Variants in ZBTB2 observed in about 807,000 individuals in gnomAD.
The protein encoded by ZBTB2 is zinc finger and BTB domain containing 2.
ZBTB2 carries 2 observed loss-of-function variants against 39.5 expected under a neutral mutation model. The ratio of observed to expected loss-of-function variants is 0.05; its 90% CI spans 0.02 to 0.16. ZBTB2 has a LOEUF of 0.16. Ranked by LOEUF, ZBTB2 falls within the 10% of genes least tolerant of loss-of-function variation. The pLI is 1.00. For synonymous variants in ZBTB2, 251 were observed against 256.6 expected, an observed-to-expected ratio of 0.98 and a Z score of 0.21; for missense variants, 391 against 653.0, an observed-to-expected ratio of 0.60 and a Z score of 4.37.
intron 2 of ZBTB2, among the ~76,000 whole-genome samples, chr6:151,367,389 G>A (rs1778674721): frequency 6.6e-6 from 1 of 152,140 alleles, no homozygotes; most frequent in Non-Finnish European, 1.5e-5. Flanking sequence ...CCAAAGTGCT[G>A]GGATTATAGG....
At chr6:151,376,378 C>A (rs1319400358) in intron 1 of ZBTB2, among the ~76,000 whole-genome samples, 2 of 152,244 alleles carry the variant, frequency 1.3e-5, no homozygotes, top group East Asian at 1.9e-4. Flanking sequence ...CTCCGAAAGA[C>A]CTCATTGAGA....
intron 2 of ZBTB2, among the ~76,000 whole-genome samples, chr6:151,370,779 G>A (rs957352946): frequency 3.9e-5 from 6 of 152,156 alleles, no homozygotes; most frequent in Admixed American, 1.3e-4. Context: ...TGAAAAGTAC[G>A]CCCCTGGCCT....
intron 1 of ZBTB2, among the ~76,000 whole-genome samples, chr6:151,383,641 G>A (rs888460535): frequency 5.3e-5 from 8 of 152,128 alleles, no homozygotes; most frequent in Admixed American, 1.3e-4. Context: ...CAGCTTGGCA[G>A]CCTGAACTCT....
chr6:151,386,706 CA>C (rs1779160999), intron 1 of ZBTB2, among the ~76,000 whole-genome samples: 1 of 152,164 alleles, frequency 6.6e-6, no homozygotes, highest in South Asian at 2.1e-4. Flanking sequence ...GTGTTTAACT[CA>C]AAGTCTTAAT....
chr6:151,367,420 C>T (rs534492630), intron 2 of ZBTB2, among the ~76,000 whole-genome samples: 10 of 152,246 alleles, frequency 6.6e-5, no homozygotes, highest in African/African-American at 2.4e-4. Context: ...CACGCCTGGC[C>T]AAGTTAAATT....
Position 151,373,758 on chromosome 6 carries a change from T to C in ZBTB2, c.-12-109A>G. 3.0e-6 allele frequency: 3 copies of C among 984,624 alleles called. No homozygotes were observed. The Admixed American group carries it at 8.4e-5, about 27-fold the overall frequency. 61.0% of individuals were successfully genotyped at this position (984,624 alleles called of 1,614,324 possible). A position where few individuals can be genotyped will look rare whatever the true frequency, so the allele number is the denominator to read the frequency against. On this transcript the variant is annotated intron_variant, in intron 1 of 2. Transcript: ENST00000325144. ...AGCTAACATGTCATCATAGCTAACGTGTCAGGCACTGCTAAAAACGTTACA... is the reference window on the plus strand; with the variant it reads ...AGCTAACATGTCATCATAGCTAACGCGTCAGGCACTGCTAAAAACGTTACA...
chr6:151,385,130 G>GA (rs1562771127), intron 1 of ZBTB2, among the ~76,000 whole-genome samples: 1 of 152,206 alleles, frequency 6.6e-6, no homozygotes, highest in Non-Finnish European at 1.5e-5. Context: ...AGTAGCACAG[G>GA]AGAGAGGAGG....
chr6:151,373,864 A>AC (rs1174627329), intron 1 of ZBTB2, among the ~76,000 whole-genome samples: 5 of 147,046 alleles, frequency 3.4e-5, no homozygotes, highest in Middle Eastern at 3.5e-3. Context: ...AAAAAAAAAA[A>AC]AAAAAAAAAA....
chr6:151,365,534 A>G lies in ZBTB2; in HGVS notation c.1532T>C (p.Val511Ala), dbSNP rs1778625186. The G allele has an allele frequency of 1.2e-6, 2 of 1,610,304 alleles. No individual in the cohort carries two copies. The highest frequency in any genetic ancestry group is 1.7e-6 in the Non-Finnish European group (2 of 1,178,310). ...GATAAGTGACATTCAGTCTAGTAAG[A>G]CGGTTTCTTGTTCCTTTTTGATGGA... is the stretch of plus-strand genomic sequence containing the variant. ...LASIKKEQET[V>A]LLD is the part of the protein sequence containing the mutation. The change falls in exon 3 of 3, where the codon GTC becomes GCC. Residue 511 changes from valine to alanine, a missense_variant. Physicochemically the swap from Val to Ala is moderately conservative, Grantham distance 64. Transcript: ENST00000325144. This position sits in a 1 kb window ranked among gnomAD's most constrained non-coding sequence, Gnocchi z 5.6.
chr6:151,374,247 T>C (rs1394379178), intron 1 of ZBTB2, among the ~76,000 whole-genome samples: 2 of 152,142 alleles, frequency 1.3e-5, no homozygotes, highest in African/African-American at 4.8e-5. Context: ...AACAGCCCCA[T>C]CACCCCTGAC....
At chr6:151,389,334 A>T (rs1015190095) in intron 1 of ZBTB2, among the ~76,000 whole-genome samples, 2 of 152,250 alleles carry the variant, frequency 1.3e-5, no homozygotes, top group Non-Finnish European at 2.9e-5. Context: ...CAACAAGATC[A>T]TTCAAAATGC....
intron 1 of ZBTB2, among the ~76,000 whole-genome samples, chr6:151,376,919 A>G (rs2114866857): frequency 6.6e-6 from 1 of 152,340 alleles, no homozygotes; most frequent in Middle Eastern, 3.4e-3. Context: ...TTAATTCCTA[A>G]TAATCAAAAA....
At chr6:151,390,987 C>A (rs1009950752) in intron 1 of ZBTB2, among the ~76,000 whole-genome samples, 1 of 150,556 alleles carries the variant, frequency 6.6e-6, no homozygotes, top group Non-Finnish European at 1.5e-5. Context: ...CCACGGGGAA[C>A]CGAACGCGAA....
intron 1 of ZBTB2, among the ~76,000 whole-genome samples, chr6:151,376,137 A>G (rs1376726420): frequency 1.3e-5 from 2 of 152,250 alleles, no homozygotes; most frequent in Non-Finnish European, 2.9e-5. Context: ...CAGGCAAAAA[A>G]GAAAAAAGAC....
At chr6:151,372,380 C>T (rs1367544472) in intron 2 of ZBTB2, among the ~76,000 whole-genome samples, 4 of 151,920 alleles carry the variant, frequency 2.6e-5, no homozygotes, top group Admixed American at 6.6e-5. Flanking sequence ...AGAGTGCAGG[C>T]GAGGACCTCG....
chr6:151,366,402 G>A lies in ZBTB2; in HGVS notation c.664C>T (p.Leu222=). The change falls in exon 3 of 3, where the codon CTG becomes TTG. Residue 222 remains leucine, a synonymous_variant. Coordinates refer to ENST00000325144, the MANE Select transcript of ZBTB2 (RefSeq NM_020861.3). This position sits in a 1 kb window ranked among gnomAD's most constrained non-coding sequence, Gnocchi z 7.1. ...PPPPPGEETN[L]EASSSDEQPA... ...TGCTCATCGGAGGAAGATGCTTCCA[G>A]ATTGGTCTCCTCCCCGGGAGGAGGG... 6.2e-7 allele frequency: 1 copy of A among 1,614,094 alleles called. No individual in the cohort carries two copies. Among genetic ancestry groups the A allele is most frequent in the Non-Finnish European group, 8.5e-7 (1 of 1,180,012 alleles).
At position 151,366,601 on chromosome 6, in the gene ZBTB2, G is replaced by A. The variant is rs376863303; in HGVS notation, c.465C>T (p.Leu155=). 4.3e-6 allele frequency: 7 copies of A among 1,614,064 alleles called. No homozygotes were observed. The highest frequency in any genetic ancestry group is 1.1e-5 in the South Asian group (1 of 91,060). ...AGGTCTGTGGCCGTGGATCTCGCCC[G>A]AGTTTTTCAGGTGCTGAAGCAATCT... ...ATKIASAPEK[L]GRDPRPQTSR... is the part of the protein sequence containing the mutation. Residue 155 remains leucine, a synonymous_variant, in exon 3 of 3, where the codon CTC becomes CTT. Coordinates refer to ENST00000325144, the MANE Select transcript of ZBTB2 (RefSeq NM_020861.3). This position sits in a 1 kb window ranked among gnomAD's most constrained non-coding sequence, Gnocchi z 7.1.
At chr6:151,390,689 G>A (rs921798545) in intron 1 of ZBTB2, among the ~76,000 whole-genome samples, 2 of 151,734 alleles carry the variant, frequency 1.3e-5, no homozygotes, top group African/African-American at 2.4e-5. Context: ...GGCAGCAGCT[G>A]TAGGAGCCGC....
At position 151,365,387 on chromosome 6, in the gene ZBTB2, TG is replaced by T; in HGVS notation, c.*133del. 1 of 1,031,942 alleles carries T rather than the reference TG, an allele frequency of 9.7e-7. No homozygotes were observed. Among genetic ancestry groups the T allele is most frequent in the Non-Finnish European group, 1.4e-6 (1 of 712,510 alleles). The allele number at this position is 1,031,942 out of a possible 1,614,324, so 63.9% of individuals were successfully genotyped here. On this transcript the variant is annotated 3_prime_UTR_variant, in exon 3 of 3. Transcript: ENST00000325144. This position sits in a 1 kb window ranked among gnomAD's most constrained non-coding sequence, Gnocchi z 5.6. ...CCTTTACAGAGGTGGGGCTGGGATGTGGAAAAGGGGAAGAGGAGAAGAGAAC... is the reference window on the plus strand; with the variant it reads ...CCTTTACAGAGGTGGGGCTGGGATGTGAAAAGGGGAAGAGGAGAAGAGAAC...
Sources: allele counts gnomAD v4.1 joint callset (sites outside exome capture counted in the v4.1 genomes callset), GRCh38; gene constraint gnomAD v4.1.1; non-coding constraint Gnocchi (gnomAD v3.1); transcripts MANE v1.5; gene names NCBI Gene and HGNC (gene_info 2026-07-23, HGNC 2026-07-21).